The following PRUNE2 variants were observed in gnomAD, a reference collection of about 807,000 sequenced individuals.
The protein encoded by PRUNE2 is protein prune homolog 2.
In PRUNE2, 164 loss-of-function variants were observed where a neutral mutation model predicts 252.0. The ratio of observed to expected loss-of-function variants is 0.65; its 90% CI spans 0.57 to 0.74. The LOEUF is 0.74. PRUNE2 is among the 30% of genes least tolerant of loss of function. The pLI is 0.00. For synonymous variants in PRUNE2, 1,292 were observed against 1,350.2 expected (o/e 0.96, Z 0.94); for missense variants, 3,495 against 3,711.0 (o/e 0.94, Z 1.51).
At chr9:76,764,464 T>C (rs2052110629) in intron 6 of PRUNE2, 3 of 152,142 alleles carry the variant, frequency 2.0e-5, no homozygotes, top group Admixed American at 2.0e-4. Context: ...GCCGAGAAGC[T>C]GGCATCAGAA....
rs189907425 is a variant in PRUNE2 at position 76,682,272 on chromosome 9, T to C, written c.8276+21065A>G. Among the ~76,000 whole-genome samples the C allele has an allele frequency of 1.0e-3, 154 of 151,424 alleles. No individual in the cohort carries two copies. The Middle Eastern group carries it at 0.01, about 10-fold the overall frequency. ...GTTTACTTATAGAAAACTTACCATA[T>C]ATTTTATATATAAAAATAGAATTAT... On this transcript the variant is annotated intron_variant, in intron 9 of 18. Coordinates refer to ENST00000376718, the MANE Select transcript of PRUNE2 (RefSeq NM_015225.3).
At chr9:76,638,471 G>A (rs1054559892) in intron 12 of PRUNE2, among the ~76,000 whole-genome samples, 183 bp from the exon 13 acceptor site, 9 of 152,120 alleles carry the variant, frequency 5.9e-5, no homozygotes, top group African/African-American at 1.9e-4. Flanking sequence ...TCTTTCAGTG[G>A]TTAACATCTA....
At chr9:76,769,683 C>A (rs963070373) in intron 6 of PRUNE2, among the ~76,000 whole-genome samples, 1 of 152,110 alleles carries the variant, frequency 6.6e-6, no homozygotes, top group Non-Finnish European at 1.5e-5. Context: ...CCTCAGGCTC[C>A]CAAAGTGCTG....
chr9:76,857,649 T>C (rs2060330443), intron 1 of PRUNE2, among the ~76,000 whole-genome samples: 1 of 152,230 alleles, frequency 6.6e-6, no homozygotes, highest in South Asian at 2.1e-4. Context: ...ATTAGTCATG[T>C]AGACTCACCC....
chr9:76,734,153 T>C (rs1444725611), intron 6 of PRUNE2, among the ~76,000 whole-genome samples: 1 of 152,098 alleles, frequency 6.6e-6, no homozygotes, highest in East Asian at 1.9e-4. Flanking sequence ...AAAAAGGACC[T>C]CCCTGGAGGT....
intron 4 of PRUNE2, among the ~76,000 whole-genome samples, chr9:76,845,534 C>A (rs774719901): frequency 3.3e-5 from 5 of 152,176 alleles, no homozygotes; most frequent in South Asian, 4.1e-4. Flanking sequence ...ATATTTAAGG[C>A]AGGTTTACGA....
chr9:76,790,821 T>G (rs930639896), intron 6 of PRUNE2, among the ~76,000 whole-genome samples: 17 of 152,188 alleles, frequency 1.1e-4, no homozygotes, highest in African/African-American at 4.1e-4. Context: ...TTCAGTTTAT[T>G]TGGAGTGTCA....
Position 76,754,363 on chromosome 9 carries a change from T to A in PRUNE2, c.757-40642A>T, listed in dbSNP as rs769454085. On this transcript the variant is annotated intron_variant, in intron 6 of 18. Coordinates refer to ENST00000376718, the MANE Select transcript of PRUNE2 (RefSeq NM_015225.3). The stretch of plus-strand genomic sequence containing the variant: ...GCCGTCTGACACATAAATTAGTATG[T>A]CCCAGGACAGCCCAACTTCACTAAC... 5.9e-4 allele frequency among the ~76,000 whole-genome samples: 90 copies of A among 152,168 alleles called. 2 individuals are homozygous for A. The highest frequency in any genetic ancestry group is 1.2e-4 in the Non-Finnish European group (8 of 68,032).
chr9:76,628,514 T>G (rs1009594398), intron 16 of PRUNE2, among the ~76,000 whole-genome samples: 2 of 152,062 alleles, frequency 1.3e-5, no homozygotes, highest in Non-Finnish European at 2.9e-5. Flanking sequence ...AATAAAGAAA[T>G]CCAAGCTATG....
intron 9 of PRUNE2, among the ~76,000 whole-genome samples, chr9:76,660,588 C>G (rs905736173): frequency 6.6e-6 from 1 of 151,826 alleles, no homozygotes; most frequent in Non-Finnish European, 1.5e-5. Flanking sequence ...TCAAGACCAG[C>G]CTGGCCAAGA....
At chr9:76,888,189 T>C (rs2062222561) in intron 1 of PRUNE2, among the ~76,000 whole-genome samples, 4 of 151,940 alleles carry the variant, frequency 2.6e-5, no homozygotes, top group Admixed American at 6.6e-5. Flanking sequence ...CCACTAACAA[T>C]AGGGCCGGTG....
intron 1 of PRUNE2, among the ~76,000 whole-genome samples, chr9:76,883,515 G>A (rs960254695): frequency 2.6e-5 from 4 of 152,196 alleles, no homozygotes; most frequent in African/African-American, 9.7e-5. Context: ...GTTTTGAACA[G>A]GAGAAACTGG....
chr9:76,710,290 T>C lies in PRUNE2; in HGVS notation c.1984A>G (p.Ile662Val). 1 of 1,613,976 alleles carries C rather than the reference T, an allele frequency of 6.2e-7. No homozygotes were observed. The highest frequency in any genetic ancestry group is 8.5e-7 in the Non-Finnish European group (1 of 1,179,880). ...GCATCTGCAATATTTTTGGAGTCAA[T>C]TTCCAAACCACCCCACCAGCTGCTG... Reference protein sequence around the residue: ...RCSSWWGGLEIDSKNIADAWS... With the variant: ...RCSSWWGGLEVDSKNIADAWS... Residue 662 changes from isoleucine to valine, a missense_variant, in exon 8 of 19, where the codon ATT (isoleucine) becomes GTT (valine). Coordinates refer to ENST00000376718, the MANE Select transcript of PRUNE2 (RefSeq NM_015225.3).
intron 6 of PRUNE2, among the ~76,000 whole-genome samples, chr9:76,720,287 G>A (rs2047522327): frequency 7.0e-6 from 1 of 142,368 alleles, no homozygotes; most frequent in Non-Finnish European, 1.5e-5. Flanking sequence ...AAGATTCACT[G>A]ATATTTATTA....
chr9:76,619,245 C>G, intron 18 of PRUNE2, 95 bp downstream of exon 18: 1 of 792,110 alleles, frequency 1.3e-6, no homozygotes, highest in South Asian at 1.6e-5. Context: ...AACATCTAAA[C>G]AGGGTTTACC....
chr9:76,876,073 T>C (rs1309978603), intron 1 of PRUNE2, among the ~76,000 whole-genome samples: 2 of 152,200 alleles, frequency 1.3e-5, no homozygotes, highest in African/African-American at 4.8e-5. Context: ...GAAATTCCTA[T>C]TTCCTGTGAG....
At chr9:76,820,306 A>G (rs183200710) in intron 6 of PRUNE2, among the ~76,000 whole-genome samples, 4 of 152,340 alleles carry the variant, frequency 2.6e-5, no homozygotes, top group Admixed American at 2.6e-4. Context: ...AGTAACTTAT[A>G]TAACAATGAA....
intron 6 of PRUNE2, among the ~76,000 whole-genome samples, chr9:76,721,337 A>C: frequency 6.6e-6 from 1 of 152,156 alleles, no homozygotes; most frequent in Non-Finnish European, 1.5e-5. Flanking sequence ...CCTTCAGTGA[A>C]TTTTACTCCT....
intron 6 of PRUNE2, among the ~76,000 whole-genome samples, chr9:76,803,858 T>C (rs1033950260): frequency 2.0e-5 from 3 of 152,228 alleles, no homozygotes; most frequent in Admixed American, 6.5e-5. Flanking sequence ...GTGTTTATAC[T>C]GACACTTTGT....
Sources: gnomAD v4.1 joint callset for allele counts (sites outside exome capture counted in the v4.1 genomes callset) on GRCh38, gnomAD v4.1.1 for gene constraint, MANE v1.5 for transcripts, NCBI Gene and HGNC (gene_info 2026-07-23, HGNC 2026-07-21) for gene names.